CDK5RAP2: variants seen among roughly 807,000 people sequenced by gnomAD.
CDK5RAP2 encodes the protein CDK5 regulatory subunit associated protein 2, also known as CDK5 regulatory subunit-associated protein 2.
Under a neutral mutation model 232.9 loss-of-function variants are expected in CDK5RAP2, and 147 were observed. That is an observed-to-expected ratio of 0.63 (90% CI 0.55 to 0.72). The LOEUF is 0.72. Ranked by LOEUF, CDK5RAP2 falls within the 30% of genes least tolerant of loss-of-function variation. The pLI, the probability that CDK5RAP2 is intolerant of heterozygous loss-of-function variation, is 0.00. For missense variants in CDK5RAP2, 2,195 were observed against 2,231.5 expected, an observed-to-expected ratio of 0.98 and a Z score of 0.33; for synonymous variants, 833 against 833.7, an observed-to-expected ratio of 1.00 and a Z score of 0.01.
rs145139739 is a variant in CDK5RAP2, at chr9:120,556,123, C to T, written c.196-5221G>A. On this transcript the variant is annotated intron_variant, in intron 3 of 37. Coordinates refer to ENST00000349780, the MANE Select transcript of CDK5RAP2 (RefSeq NM_018249.6). ...TATTCTGATTGTGGTGATCATTACA[C>T]GTGCCAAGAACTGCACACACATATA... 6.4e-3 allele frequency among the ~76,000 whole-genome samples: 976 copies of T among 152,216 alleles called. 8 individuals carry two copies. Among genetic ancestry groups the T allele is most frequent in the African/African-American group, 0.022 (925 of 41,530 alleles).
intron 5 of CDK5RAP2, among the ~76,000 whole-genome samples, chr9:120,540,464 A>G (rs2041584694): frequency 2.0e-5 from 3 of 152,226 alleles, no homozygotes. Context: ...GAAAGTCAAG[A>G]GGGCCATACT....
chr9:120,474,635 G>T (rs944552417), intron 15 of CDK5RAP2, among the ~76,000 whole-genome samples: 1 of 152,204 alleles, frequency 6.6e-6, no homozygotes, highest in African/African-American at 2.4e-5. Flanking sequence ...ATCCTTCACT[G>T]CGGAACACCG....
chr9:120,419,082 T>C (rs2034409471), intron 27 of CDK5RAP2, among the ~76,000 whole-genome samples: 1 of 152,116 alleles, frequency 6.6e-6, no homozygotes, highest in Admixed American at 6.5e-5. Context: ...GTGAGATCAG[T>C]GCCCTCATAA....
At chr9:120,509,793 A>G (rs748239628) in intron 12 of CDK5RAP2, among the ~76,000 whole-genome samples, 4 of 152,190 alleles carry the variant, frequency 2.6e-5, no homozygotes, top group Non-Finnish European at 5.9e-5. Flanking sequence ...CGAAGAGGCA[A>G]ACTTGCTGGT....
chr9:120,471,525 G>T (rs1298499868), intron 16 of CDK5RAP2, among the ~76,000 whole-genome samples: 1 of 152,206 alleles, frequency 6.6e-6, no homozygotes, highest in Non-Finnish European at 1.5e-5. Context: ...AGTAGAGGCA[G>T]CAAGGAAGCA....
chr9:120,532,459 T>A (rs2041195844), intron 7 of CDK5RAP2: 1 of 152,134 alleles, frequency 6.6e-6, no homozygotes, highest in African/African-American at 2.4e-5. Flanking sequence ...GCCCTAAAGA[T>A]TCAATACCTT....
intron 21 of CDK5RAP2, among the ~76,000 whole-genome samples, chr9:120,449,062 A>G (rs952906027): frequency 3.9e-5 from 6 of 152,196 alleles, no homozygotes; most frequent in Non-Finnish European, 7.3e-5. Context: ...AAAGGTCAAC[A>G]TCCATACCAC....
intron 28 of CDK5RAP2, among the ~76,000 whole-genome samples, chr9:120,413,827 G>GCGA (rs2034021617): frequency 6.9e-6 from 1 of 145,928 alleles, no homozygotes; most frequent in African/African-American, 2.6e-5. Context: ...GGAGGGAGGA[G>GCGA]GGAGGAGGGA....
chr9:120,482,408 C>T lies in CDK5RAP2; in HGVS notation c.1626+4886G>A, dbSNP rs929324025. Among the ~76,000 whole-genome samples, 89 of 152,174 alleles carry T rather than the reference C, an allele frequency of 5.8e-4. 2 individuals are homozygous for T. Among genetic ancestry groups the T allele is most frequent in the Admixed American group, 5.8e-3 (89 of 15,284 alleles). ...ACCATTCTCCTCAGCTCCTGCCCTCCTCCCTTCCTCCTACCCTTCCAACTC... is the reference window on the plus strand; with the variant it reads ...ACCATTCTCCTCAGCTCCTGCCCTCTTCCCTTCCTCCTACCCTTCCAACTC... On this transcript the variant is annotated intron_variant, in intron 14 of 37. Coordinates refer to ENST00000349780, the MANE Select transcript of CDK5RAP2 (RefSeq NM_018249.6).
At chr9:120,414,764 T>C (rs931176982) in intron 28 of CDK5RAP2, among the ~76,000 whole-genome samples, 7 of 152,224 alleles carry the variant, frequency 4.6e-5, no homozygotes, top group Admixed American at 2.0e-4. Flanking sequence ...ATTTACCAGA[T>C]TGCTAAAATG....
rs1353520689 is a variant in CDK5RAP2 at position 120,389,359 on chromosome 9, C to G, written c.5626-67G>C. The G allele has an allele frequency of 1.1e-5, 14 of 1,282,984 alleles. No individual in the cohort carries two copies. In the East Asian group the frequency reaches 3.1e-4, roughly 29 times the overall value. 79.5% of individuals were successfully genotyped at this position (1,282,984 alleles called of 1,614,324 possible). A position where few individuals can be genotyped will look rare whatever the true frequency, so the allele number is the denominator to read the frequency against. On this transcript the variant is annotated intron_variant, in intron 37 of 37. Coordinates refer to ENST00000349780, the MANE Select transcript of CDK5RAP2 (RefSeq NM_018249.6). Reference sequence around the variant, plus strand: ...GGAGGTTTCTGAAGTAAGACCCCGACAGAGGTGAAAGCGAGACTGTTATTC... The same window carrying G: ...GGAGGTTTCTGAAGTAAGACCCCGAGAGAGGTGAAAGCGAGACTGTTATTC...
At chr9:120,518,064 T>C (rs983221692) in intron 12 of CDK5RAP2, among the ~76,000 whole-genome samples, 1 of 151,954 alleles carries the variant, frequency 6.6e-6, no homozygotes, top group Admixed American at 6.6e-5. Flanking sequence ...ACAAAAAAAA[T>C]TGTTTTTGAA....
chr9:120,496,696 A>G (rs1588486817), intron 12 of CDK5RAP2, among the ~76,000 whole-genome samples: 8 of 112,206 alleles, frequency 7.1e-5, no homozygotes, highest in African/African-American at 1.7e-4. Context: ...TGGGGGGGTC[A>G]GCCCCCTGCC....
At position 120,402,901 on chromosome 9, in the gene CDK5RAP2, G is replaced by A. The variant is rs572551421; in HGVS notation, c.5212C>T (p.Leu1738Phe). Reference protein sequence around the residue: ...LGLIEDYEALLKQISQGQRLL... With the variant: ...LGLIEDYEALFKQISQGQRLL... ...CTCTGTCCCTGGCTGATCTGTTTGA[G>A]CAGGGCCTCATAGTCCTCAATCAGG... The change falls in exon 34 of 38, where the codon CTC becomes TTC. Residue 1738 changes from leucine (L) to phenylalanine (F), a missense_variant. Leu to Phe is a conservative substitution (Grantham distance 22). Coordinates refer to ENST00000349780, the MANE Select transcript of CDK5RAP2 (RefSeq NM_018249.6). 2.5e-6 allele frequency: 4 copies of A among 1,614,108 alleles called. No individual in the cohort carries two copies. The South Asian group carries it at 3.3e-5, about 13-fold the overall frequency.
intron 3 of CDK5RAP2, among the ~76,000 whole-genome samples, chr9:120,556,613 G>C (rs1182077151): frequency 6.6e-6 from 1 of 151,962 alleles, no homozygotes; most frequent in Non-Finnish European, 1.5e-5. Context: ...ATTTTTAGTA[G>C]AGATGGGGTT....
chr9:120,536,464 A>C lies in CDK5RAP2; in HGVS notation c.570T>G (p.Ala190=). The change falls in exon 7 of 38, where the codon GCT becomes GCG. Residue 190 remains alanine (A), a synonymous_variant. Coordinates refer to ENST00000349780, the MANE Select transcript of CDK5RAP2 (RefSeq NM_018249.6). The part of the protein sequence containing the change: ...KAFAGTETEK[A]LRLRLESKLS... ...GCTTGCTTTCCAAACGCAACCGAAG[A>C]GCCTTCTCCGTCTCTGTCCCTGCAA... The C allele has an allele frequency of 6.2e-7, 1 of 1,614,116 alleles. No individual in the cohort carries two copies. The highest frequency in any genetic ancestry group is 8.5e-7 in the Non-Finnish European group (1 of 1,180,004).
chr9:120,504,443 G>C (rs184117364), intron 12 of CDK5RAP2, among the ~76,000 whole-genome samples: 1 of 152,260 alleles, frequency 6.6e-6, no homozygotes, highest in East Asian at 1.9e-4. Flanking sequence ...AATTATAAAG[G>C]AAGAAGGGTA....
chr9:120,498,947 G>A (rs1218441105), intron 12 of CDK5RAP2, among the ~76,000 whole-genome samples: 2 of 152,090 alleles, frequency 1.3e-5, no homozygotes, highest in Non-Finnish European at 2.9e-5. Flanking sequence ...GTCTTACTAA[G>A]TTGTCCAAGT....
chr9:120,575,356 G>T (rs35759224), intron 1 of CDK5RAP2, among the ~76,000 whole-genome samples: 16,795 of 152,106 alleles, frequency 0.11, 1,207 homozygotes, highest in Middle Eastern at 0.17. Context: ...CCCAGCTGTA[G>T]CAACTGTTTG....
Sources: gnomAD v4.1 joint callset for allele counts (sites outside exome capture counted in the v4.1 genomes callset) on GRCh38, gnomAD v4.1.1 for gene constraint, MANE v1.5 for transcripts, NCBI Gene and HGNC (gene_info 2026-07-23, HGNC 2026-07-21) for gene names.